The following DOCK1 variants were observed in gnomAD, a reference collection of about 807,000 sequenced individuals.
DOCK1 encodes dedicator of cytokinesis protein 1.
Under a neutral mutation model 262.7 loss-of-function variants are expected in DOCK1, and 138 were observed. The ratio of observed to expected loss-of-function variants is 0.53; its 90% CI spans 0.46 to 0.61. The LOEUF (loss-of-function observed/expected upper bound fraction) is 0.61. Among genes scored for constraint, DOCK1 ranks in the 20% least tolerant of loss-of-function variants. The pLI is 0.00. For synonymous variants in DOCK1, 866 were observed against 867.4 expected, an observed-to-expected ratio of 1.00 and a Z score of 0.03; for missense variants, 1,908 against 2,370.7, an observed-to-expected ratio of 0.80 and a Z score of 4.05.
intron 27 of DOCK1, among the ~76,000 whole-genome samples, chr10:127,180,415 G>C (rs80344689): frequency 6.6e-6 from 1 of 152,138 alleles, no homozygotes; most frequent in African/African-American, 2.4e-5. Flanking sequence ...TTTATTTTTC[G>C]TAAGAAAATT....
chr10:127,078,582 A>G (rs113181416), intron 23 of DOCK1, among the ~76,000 whole-genome samples: 31 of 152,210 alleles, frequency 2.0e-4, no homozygotes, highest in African/African-American at 7.2e-4. Flanking sequence ...GGATCCGGCA[A>G]TCCCATTCCT....
At chr10:127,210,735 T>C (rs1012047393) in intron 27 of DOCK1, among the ~76,000 whole-genome samples, 3 of 152,168 alleles carry the variant, frequency 2.0e-5, no homozygotes, top group African/African-American at 7.2e-5. Flanking sequence ...CTGCCTCTTT[T>C]TGTTTTCCTT....
At position 127,116,465 on chromosome 10, in the gene DOCK1, A is replaced by G. The variant is rs561799078; in HGVS notation, c.2623+6111A>G. 5.3e-5 allele frequency among the ~76,000 whole-genome samples: 8 copies of G among 152,262 alleles called. No homozygotes were observed. The South Asian group carries it at 1.7e-3, about 32-fold the overall frequency. ...TCCCAGACACTTACTGGGACTAGCT[A>G]TTAGGAAATATTGAAGTCAGATTTC... On this transcript the variant is annotated intron_variant, in intron 25 of 51. Transcript: ENST00000623213.
chr10:127,285,152 C>G (rs1481353966), intron 29 of DOCK1, among the ~76,000 whole-genome samples: 1 of 152,124 alleles, frequency 6.6e-6, no homozygotes, highest in Non-Finnish European at 1.5e-5. Context: ...AATAATAAAT[C>G]AATATCTGGC....
At chr10:126,917,022 G>A (rs2032580435) in intron 1 of DOCK1, among the ~76,000 whole-genome samples, 1 of 126,178 alleles carries the variant, frequency 7.9e-6, no homozygotes, top group Non-Finnish European at 1.7e-5. Flanking sequence ...TCACAGTGCA[G>A]AGAGACAGGT....
chr10:127,283,850 T>A (rs1428919966), intron 29 of DOCK1, among the ~76,000 whole-genome samples: 1 of 152,226 alleles, frequency 6.6e-6, no homozygotes, highest in African/African-American at 2.4e-5. Flanking sequence ...AGTGTCTTCA[T>A]GCATATGGTT....
chr10:127,151,633 C>T (rs1196268403), intron 27 of DOCK1, among the ~76,000 whole-genome samples: 1 of 152,162 alleles, frequency 6.6e-6, no homozygotes, highest in Non-Finnish European at 1.5e-5. Flanking sequence ...CCAAATCACC[C>T]GTCTGTAAAA....
chr10:127,300,105 G>C (rs367708122), intron 29 of DOCK1, among the ~76,000 whole-genome samples: 6 of 152,098 alleles, frequency 3.9e-5, no homozygotes, highest in Non-Finnish European at 5.9e-5. Flanking sequence ...GACTCCACCT[G>C]CTCAGCAAAC....
intron 1 of DOCK1, among the ~76,000 whole-genome samples, chr10:126,951,258 T>A (rs1372457294): frequency 6.6e-6 from 1 of 151,422 alleles, no homozygotes; most frequent in Non-Finnish European, 1.5e-5. Context: ...ATATTAGTGA[T>A]AGTGGTGGTG....
intron 33 of DOCK1, among the ~76,000 whole-genome samples, chr10:127,362,999 ACACACGCACATCCC>A (rs1287569545): frequency 3.2e-5 from 4 of 125,008 alleles, no homozygotes; most frequent in Non-Finnish European, 6.5e-5. Context: ...CCCCCCACAC[ACACACGCACATCCC>A]CACACACACA....
intron 35 of DOCK1, among the ~76,000 whole-genome samples, chr10:127,374,962 A>G (rs1010436029): frequency 2.6e-5 from 4 of 152,228 alleles, no homozygotes; most frequent in Non-Finnish European, 2.9e-5. Context: ...TTTTAGGTTT[A>G]TGGTAATTTG....
intron 26 of DOCK1, among the ~76,000 whole-genome samples, chr10:127,127,427 G>A (rs750555204): frequency 6.6e-6 from 1 of 151,982 alleles, no homozygotes; most frequent in African/African-American, 2.4e-5. Flanking sequence ...TATTTTTAAG[G>A]TTTGCTTAAA....
At chr10:126,935,491 C>T (rs1295284943) in intron 1 of DOCK1, among the ~76,000 whole-genome samples, 1 of 152,212 alleles carries the variant, frequency 6.6e-6, no homozygotes, top group Non-Finnish European at 1.5e-5. Context: ...GCCCTGCCCT[C>T]TGTGCTGCTG....
At chr10:127,249,401 A>G (rs1208501572) in intron 28 of DOCK1, among the ~76,000 whole-genome samples, 2 of 8,352 alleles carry the variant, frequency 2.4e-4, no homozygotes, top group Non-Finnish European at 3.6e-4. Flanking sequence ...ACACACATAT[A>G]TACATATATA....
At chr10:126,987,384 A>G in intron 4 of DOCK1, 137 bp from the exon 5 acceptor site, 1 of 631,348 alleles carries the variant, frequency 1.6e-6, no homozygotes, top group Non-Finnish European at 2.8e-6. Flanking sequence ...ATATGTGTGC[A>G]TGCAGTCTTA....
At chr10:127,219,145 AT>A (rs1323254441) in intron 27 of DOCK1, among the ~76,000 whole-genome samples, 1 of 152,224 alleles carries the variant, frequency 6.6e-6, no homozygotes, top group African/African-American at 2.4e-5. Context: ...GGGACTGCAG[AT>A]TAGTTCTGAA....
chr10:127,438,553 C>T (rs1277893375), intron 48 of DOCK1, among the ~76,000 whole-genome samples: 1 of 152,156 alleles, frequency 6.6e-6, no homozygotes. Flanking sequence ...CTGACTGAGC[C>T]ATGCAAAGTG....
chr10:126,982,245 T>G (rs1565028997), intron 4 of DOCK1, among the ~76,000 whole-genome samples: 1 of 152,224 alleles, frequency 6.6e-6, no homozygotes, highest in Non-Finnish European at 1.5e-5. Context: ...GCCCTGGTGC[T>G]CTGTGCTTCC....
chr10:127,132,487 T>C (rs974312198), intron 27 of DOCK1, among the ~76,000 whole-genome samples: 2 of 152,202 alleles, frequency 1.3e-5, no homozygotes, highest in African/African-American at 4.8e-5. Flanking sequence ...GAAATACTTA[T>C]TTTTATATTA....
Sources: allele counts gnomAD v4.1 joint callset (sites outside exome capture counted in the v4.1 genomes callset), GRCh38; gene constraint gnomAD v4.1.1; transcripts MANE v1.5; gene names NCBI Gene and HGNC (gene_info 2026-07-23, HGNC 2026-07-21).